The following LARP1 variants were observed in gnomAD, a reference collection of about 807,000 sequenced individuals.
LARP1 encodes the protein La ribonucleoprotein 1, translational regulator.
Under a neutral mutation model 122.7 loss-of-function variants are expected in LARP1, and 36 were observed. That is an observed-to-expected ratio of 0.29 (90% confidence interval 0.22 to 0.39). The LOEUF is 0.39. Among genes scored for constraint, LARP1 ranks in the 10% least tolerant of loss-of-function variants. LARP1 has a pLI of 1.00. For missense variants in LARP1, 1,040 were observed against 1,403.6 expected (o/e 0.74, Z 4.14); for synonymous variants, 539 against 528.7 (o/e 1.02, Z -0.27).
chr5:154,762,443 G>T (rs1363747347), intron 1 of LARP1, among the ~76,000 whole-genome samples: 1 of 152,174 alleles, frequency 6.6e-6, no homozygotes, highest in Non-Finnish European at 1.5e-5. Context: ...TAGTTACCAG[G>T]GGCAAGTGGC....
intron 1 of LARP1, among the ~76,000 whole-genome samples, chr5:154,740,580 C>A (rs948270745): frequency 6.6e-6 from 1 of 152,174 alleles, no homozygotes; most frequent in African/African-American, 2.4e-5. Flanking sequence ...TTATGGCTTG[C>A]TCAAGCTCAC....
intron 1 of LARP1, among the ~76,000 whole-genome samples, chr5:154,702,963 C>CA (rs1397691946): frequency 1.3e-5 from 2 of 150,920 alleles, no homozygotes; most frequent in African/African-American, 2.4e-5. Context: ...ACTATAAATA[C>CA]AAAAAAAATT....
At chr5:154,754,610 A>G (rs1753681808), upstream of LARP1, among the ~76,000 whole-genome samples, 1 of 152,246 alleles carries the variant, frequency 6.6e-6, no homozygotes, top group Admixed American at 6.5e-5. Context: ...GGCCTGGGTG[A>G]GGGCTTTAGT....
intron 1 of LARP1, among the ~76,000 whole-genome samples, chr5:154,719,644 A>G (rs745462887): frequency 2.0e-5 from 3 of 150,122 alleles, no homozygotes; most frequent in Non-Finnish European, 4.5e-5. Context: ...GGTGGATCAC[A>G]TGAGGCCAGG....
At chr5:154,785,607 C>T (rs1385568063) in intron 1 of LARP1, among the ~76,000 whole-genome samples, 2 of 152,136 alleles carry the variant, frequency 1.3e-5, no homozygotes, top group Middle Eastern at 3.2e-3. Flanking sequence ...GGTAGGGACT[C>T]CACCCTAAGT....
In LARP1 at chr5:154,756,208, T is replaced by C; in HGVS notation, c.436+15T>C. On this transcript the variant is annotated intron_variant, in intron 1 of 18. Transcript: ENST00000518297. ...GTCCCCCCCAGGTGGGTCTCCCTCC[T>C]TGCCCTCCTGGGTCCGGGGGCCTCT... 8.1e-7 allele frequency: 1 copy of C among 1,234,258 alleles called. No homozygotes were observed. The highest frequency in any genetic ancestry group is 1.4e-5 in the South Asian group (1 of 71,888). 76.5% of individuals were successfully genotyped at this position (1,234,258 alleles called of 1,614,324 possible). A position where few individuals can be genotyped will look rare whatever the true frequency, so the allele number is the denominator to read the frequency against.
chr5:154,695,043 C>T (rs543665346), intron 1 of LARP1, among the ~76,000 whole-genome samples: 1 of 151,992 alleles, frequency 6.6e-6, no homozygotes, highest in Admixed American at 6.6e-5. Flanking sequence ...AGGCTGGGCA[C>T]GGTGGCTCAC....
At chr5:154,781,178 T>A (rs1582391938) in intron 1 of LARP1, among the ~76,000 whole-genome samples, 1 of 152,168 alleles carries the variant, frequency 6.6e-6, no homozygotes, top group South Asian at 2.1e-4. Flanking sequence ...TGGAGTCAGG[T>A]GTGCGTGTAG....
chr5:154,788,702 T>G (rs969013398), intron 1 of LARP1, among the ~76,000 whole-genome samples: 4 of 151,184 alleles, frequency 2.6e-5, no homozygotes, highest in South Asian at 2.1e-4. Flanking sequence ...GGAAAAGAAG[T>G]GTGGATGTAG....
At chr5:154,786,187 C>T (rs1309362069) in intron 1 of LARP1, among the ~76,000 whole-genome samples, 12 of 152,204 alleles carry the variant, frequency 7.9e-5, no homozygotes, top group East Asian at 5.8e-4. Flanking sequence ...GGAATACAGG[C>T]GCCCACCACA....
intron 1 of LARP1, among the ~76,000 whole-genome samples, chr5:154,737,363 C>T (rs969615524): frequency 5.3e-5 from 8 of 149,724 alleles, no homozygotes; most frequent in Non-Finnish European, 7.4e-5. Context: ...TAATGCAATT[C>T]TAGGGGGAAT....
intron 1 of LARP1, among the ~76,000 whole-genome samples, chr5:154,778,259 A>T (rs373647480): frequency 1.8e-3 from 180 of 98,894 alleles, no homozygotes; most frequent in South Asian, 3.5e-3. Flanking sequence ...GACTCCGTCT[A>T]AAAAAAAAAA....
At chr5:154,698,972 G>A (rs954152396) in intron 1 of LARP1, among the ~76,000 whole-genome samples, 1 of 152,140 alleles carries the variant, frequency 6.6e-6, no homozygotes, top group African/African-American at 2.4e-5. Context: ...GTGCCACTCC[G>A]GAAGAAGAGA....
chr5:154,755,550 C>T lies in LARP1; in HGVS notation c.-208C>T, dbSNP rs1753787713. On this transcript the variant is annotated 5_prime_UTR_variant, in exon 1 of 19. Coordinates refer to ENST00000518297, the MANE Select transcript of LARP1 (RefSeq NM_033551.3). ...GACTGCAGAGTGGGGGGCCTTCCTC[C>T]CCCCCCGCCCCGCTAGTGGGCCTCG... 3.0e-6 allele frequency: 3 copies of T among 987,186 alleles called. No individual in the cohort carries two copies. Among genetic ancestry groups the T allele is most frequent in the Non-Finnish European group, 3.6e-6 (3 of 829,938 alleles). 61.2% of individuals were successfully genotyped at this position (987,186 alleles called of 1,614,324 possible). A position where few individuals can be genotyped will look rare whatever the true frequency, so the allele number is the denominator to read the frequency against.
intron 1 of LARP1, among the ~76,000 whole-genome samples, chr5:154,746,749 A>G (rs1251487796): frequency 6.6e-6 from 1 of 152,236 alleles, no homozygotes; most frequent in Admixed American, 6.5e-5. Context: ...CTGTAAGCCC[A>G]GCACTTTGGG....
chr5:154,806,858 T>C (rs1018923023), intron 15 of LARP1, among the ~76,000 whole-genome samples: 2 of 152,228 alleles, frequency 1.3e-5, no homozygotes, highest in Admixed American at 1.3e-4. Context: ...TACAATGTAA[T>C]AGCTCTAAGT....
intron 1 of LARP1, among the ~76,000 whole-genome samples, chr5:154,782,507 A>AGCTGGG (rs1428791932): frequency 4.6e-5 from 7 of 152,150 alleles, no homozygotes; most frequent in Non-Finnish European, 7.4e-5. Flanking sequence ...AAAGATAGTC[A>AGCTGGG]GCTGGGGCTG....
chr5:154,774,358 C>A (rs78423275), intron 1 of LARP1, among the ~76,000 whole-genome samples: 1 of 152,140 alleles, frequency 6.6e-6, no homozygotes, highest in African/African-American at 2.4e-5. Context: ...AGCTATGGCA[C>A]CCAGCAGCCC....
Position 154,755,464 on chromosome 5 carries a change from G to A in LARP1, c.-294G>A. 1.2e-6 allele frequency: 1 copy of A among 827,576 alleles called. No individual in the cohort carries two copies. The highest frequency in any genetic ancestry group is 1.5e-6 in the Non-Finnish European group (1 of 685,112). The allele number at this position is 827,576 out of a possible 1,614,324, so 51.3% of individuals were successfully genotyped here. ...AGGGACGGGACTAGAAGCCTGCCGG[G>A]CTCGGGGTGGGGGCGTCTTGCGAGG... On this transcript the variant is annotated 5_prime_UTR_variant, in exon 1 of 19. Transcript: ENST00000518297.
Sources: allele counts gnomAD v4.1 joint callset (sites outside exome capture counted in the v4.1 genomes callset), GRCh38; gene constraint gnomAD v4.1.1; transcripts MANE v1.5; gene names NCBI Gene and HGNC (gene_info 2026-07-23, HGNC 2026-07-21).